Variants in NHERF1 observed in about 807,000 individuals in gnomAD.
NHERF1 encodes the protein NHERF family PDZ scaffold protein 1, also known as Na(+)/H(+) exchange regulatory cofactor NHE-RF1.
At chr17:74,765,099 C>G in the NHERF1 span, among the ~76,000 whole-genome samples, 1 of 152,012 alleles carries the variant, frequency 6.6e-6, no homozygotes, top group Non-Finnish European at 1.5e-5. Flanking sequence ...CTGAGTGAGC[C>G]CAGTGAAGGT....
At chr17:74,762,563 T>G in the NHERF1 span, among the ~76,000 whole-genome samples, 1 of 151,372 alleles carries the variant, frequency 6.6e-6, no homozygotes, top group African/African-American at 2.4e-5. This position sits in a 1 kb window ranked among gnomAD's most constrained non-coding sequence, Gnocchi z 4.2. Context: ...TTATTTAGTT[T>G]TTTTTTTTTT....
the NHERF1 span, chr17:74,768,710 C>A: frequency 1.3e-6 from 2 of 1,516,938 alleles, no homozygotes; most frequent in African/African-American, 1.4e-5. Context: ...TCCACCCCAC[C>A]TTTTTCCTTC....
the NHERF1 span, among the ~76,000 whole-genome samples, chr17:74,753,550 T>C: frequency 3.3e-5 from 5 of 152,162 alleles, no homozygotes; most frequent in Non-Finnish European, 7.4e-5. Context: ...ACCTTCAAGC[T>C]CCTGTTAACT....
At chr17:74,756,704 G>A in the NHERF1 span, among the ~76,000 whole-genome samples, 4 of 152,186 alleles carry the variant, frequency 2.6e-5, no homozygotes, top group African/African-American at 9.7e-5. Context: ...CGTCAGCCAT[G>A]TGTACTTGAG....
At chr17:74,749,256 C>A in the NHERF1 span, 1 of 1,529,428 alleles carries the variant, frequency 6.5e-7, no homozygotes, top group Non-Finnish European at 8.7e-7. The surrounding 1 kb of genome is among the most constrained non-coding windows in gnomAD (Gnocchi z 5.6). Flanking sequence ...GAAAATGAGC[C>A]TCGCGAGGCC....
At chr17:74,766,856 C>T in the NHERF1 span, 2 of 1,388,310 alleles carry the variant, frequency 1.4e-6, no homozygotes, top group African/African-American at 1.4e-5. Context: ...TAATAATCTG[C>T]CCAAACCCAA....
chr17:74,749,466 G>C, the NHERF1 span, among the ~76,000 whole-genome samples: 41 of 152,326 alleles, frequency 2.7e-4, no homozygotes, highest in South Asian at 3.1e-3. This position sits in a 1 kb window ranked among gnomAD's most constrained non-coding sequence, Gnocchi z 5.6. Context: ...CAGGCCTGGG[G>C]CTGCGTCCCG....
the NHERF1 span, chr17:74,761,951 A>T: frequency 6.4e-7 from 1 of 1,573,698 alleles, no homozygotes; most frequent in African/African-American, 1.3e-5. The surrounding 1 kb of genome is among the most constrained non-coding windows in gnomAD (Gnocchi z 4.3). Context: ...CAGGCAGAGG[A>T]CAGGGAAGGC....
At chr17:74,768,393 C>G in the NHERF1 span, 17 of 1,558,052 alleles carry the variant, frequency 1.1e-5, no homozygotes, top group Non-Finnish European at 1.5e-5. Flanking sequence ...AACGGAGCCA[C>G]CTCACCAAGG....
the NHERF1 span, chr17:74,763,387 G>A: frequency 2.5e-6 from 4 of 1,614,110 alleles, no homozygotes; most frequent in Non-Finnish European, 3.4e-6. Context: ...TCTGCATGGA[G>A]GGGAAGCAGC....
At chr17:74,768,594 A>G in the NHERF1 span, 2 of 1,613,998 alleles carry the variant, frequency 1.2e-6, no homozygotes, top group South Asian at 2.2e-5. Flanking sequence ...CCAGAAACGC[A>G]GCAGCAAACG....
the NHERF1 span, chr17:74,748,639 G>T: frequency 8.0e-6 from 4 of 499,770 alleles, no homozygotes; most frequent in Admixed American, 1.1e-4. The surrounding 1 kb of genome is among the most constrained non-coding windows in gnomAD (Gnocchi z 4.3). Context: ...GACGCCGCGC[G>T]GGGCGGGGAT....
chr17:74,766,796 G>T, the NHERF1 span: 1 of 812,430 alleles, frequency 1.2e-6, no homozygotes, highest in African/African-American at 1.7e-5. Flanking sequence ...ATGTATTCAT[G>T]GTGGGTGGTA....
At chr17:74,765,976 AGAATCTGTGCTGCCAAGGTCCAG>A in the NHERF1 span, among the ~76,000 whole-genome samples, 1 of 152,186 alleles carries the variant, frequency 6.6e-6, no homozygotes, top group Non-Finnish European at 1.5e-5. Flanking sequence ...CCACTAAACC[AGAATCTGTGCTGCCAAGGTCCAG>A]GAATCTGTAC....
At chr17:74,764,970 G>A in the NHERF1 span, among the ~76,000 whole-genome samples, 1 of 152,168 alleles carries the variant, frequency 6.6e-6, no homozygotes, top group Admixed American at 6.5e-5. This position sits in a 1 kb window ranked among gnomAD's most constrained non-coding sequence, Gnocchi z 4.9. Flanking sequence ...GCTGTGTCCT[G>A]GACTGGGGAC....
At chr17:74,756,119 T>G in the NHERF1 span, among the ~76,000 whole-genome samples, 1 of 150,638 alleles carries the variant, frequency 6.6e-6, no homozygotes, top group Non-Finnish European at 1.5e-5. Context: ...TTTTTGTATT[T>G]TTCTTTTTTA....
chr17:74,767,775 G>C, the NHERF1 span, among the ~76,000 whole-genome samples: 7 of 152,118 alleles, frequency 4.6e-5, no homozygotes, highest in Admixed American at 6.5e-5. Context: ...CACCACATGG[G>C]CTCCCCATGC....
the NHERF1 span, among the ~76,000 whole-genome samples, chr17:74,749,788 G>T: frequency 1.4e-4 from 21 of 152,218 alleles, no homozygotes; most frequent in African/African-American, 4.6e-4. The surrounding 1 kb of genome is among the most constrained non-coding windows in gnomAD (Gnocchi z 5.6). Flanking sequence ...GCCCCGGCGC[G>T]AGGAGGCCCT....
At chr17:74,768,047 C>G in the NHERF1 span, 1 of 858,898 alleles carries the variant, frequency 1.2e-6, no homozygotes, top group Admixed American at 1.7e-5. Flanking sequence ...AGTGCTACCT[C>G]TTCTCAGTCT....
Sources: allele counts gnomAD v4.1 joint callset (sites outside exome capture counted in the v4.1 genomes callset), GRCh38; gene constraint gnomAD v4.1.1; non-coding constraint Gnocchi (gnomAD v3.1); transcripts MANE v1.5; gene names NCBI Gene and HGNC (gene_info 2026-07-23, HGNC 2026-07-21).